PYGB: variants seen among roughly 807,000 people sequenced by gnomAD.
PYGB encodes glycogen phosphorylase, brain form.
Under a neutral mutation model 94.3 loss-of-function variants are expected in PYGB, and 82 were observed. The ratio of observed to expected loss-of-function variants is 0.87; its 90% confidence interval spans 0.73 to 1.04. PYGB has a LOEUF of 1.04. PYGB is among the 50% of genes least tolerant of loss of function. The pLI is 0.00. For synonymous variants in PYGB, 488 were observed against 479.1 expected (o/e 1.02, Z -0.24); for missense variants, 1,132 against 1,158.2 (o/e 0.98, Z 0.33).
rs9927 is a variant in PYGB at position 25,296,608 on chromosome 20, A to G, written c.*86A>G. 739,188 of 1,487,956 alleles carry G rather than the reference A, an allele frequency of 0.5. 189,336 individuals are homozygous for G. The highest frequency in any genetic ancestry group is 0.92 in the East Asian group (39,832 of 43,502). The allele number at this position is 1,487,956 out of a possible 1,614,324, so 92.2% of individuals were successfully genotyped here. ...TTTTTCCCCAAACACTTTGCCAGCC[A>G]CTGGTGGTCCCTGCTTTTCTGAGTA... On this transcript the variant is annotated 3_prime_UTR_variant, in exon 20 of 20. Transcript: ENST00000216962.
In PYGB at chr20:25,248,256, C is replaced by T; in HGVS notation, c.78C>T (p.Ala26=). The part of the protein sequence containing the change: ...VRGLAGLGDV[A]EVRKSFNRHL... ...GCCTGGCGGGGCTAGGCGACGTGGC[C>T]GAGGTGCGGAAGAGCTTCAACCGGC... Residue 26 remains alanine (A), a synonymous_variant, in exon 1 of 20, where the codon GCC becomes GCT. Coordinates refer to ENST00000216962, the MANE Select transcript of PYGB (RefSeq NM_002862.4). 6.3e-7 allele frequency: 1 copy of T among 1,599,324 alleles called. No homozygotes were observed. Among genetic ancestry groups the T allele is most frequent in the Non-Finnish European group, 8.5e-7 (1 of 1,173,606 alleles).
chr20:25,277,361 G>C, intron 7 of PYGB, 35 bp downstream of exon 7: 3 of 1,518,872 alleles, frequency 2.0e-6, no homozygotes, highest in Non-Finnish European at 2.7e-6. Context: ...TGCTCAGGCC[G>C]TATCGCTTTC....
intron 16 of PYGB, among the ~76,000 whole-genome samples, chr20:25,291,960 G>A (rs1449651135): frequency 6.6e-6 from 1 of 152,142 alleles, no homozygotes; most frequent in East Asian, 1.9e-4. Context: ...CCAGGAGGTC[G>A]CCACCCCTCA....
rs932916299 is a variant in PYGB, at chr20:25,259,230, T to C, written c.244-7T>C. The C allele has an allele frequency of 1.9e-6, 3 of 1,576,278 alleles. No homozygotes were observed. Among genetic ancestry groups the C allele is most frequent in the Non-Finnish European group, 2.6e-6 (3 of 1,145,718 alleles). ...GAGAAATCTTATTCTTTCTTCTGCTTCCTCAGCGCATTTATTATCTTTCCC... is the reference window on the plus strand; with the variant it reads ...GAGAAATCTTATTCTTTCTTCTGCTCCCTCAGCGCATTTATTATCTTTCCC... On this transcript the variant is annotated splice_polypyrimidine_tract_variant and splice_region_variant and intron_variant, in intron 1 of 19. Transcript: ENST00000216962.
chr20:25,275,449 G>C (rs926084198), intron 5 of PYGB, among the ~76,000 whole-genome samples: 2 of 152,236 alleles, frequency 1.3e-5, no homozygotes, highest in Admixed American at 1.3e-4. Context: ...GTGAGACTCA[G>C]CCACCTGTGA....
intron 2 of PYGB, among the ~76,000 whole-genome samples, chr20:25,265,942 A>G (rs1283178743): frequency 2.6e-5 from 4 of 151,924 alleles, no homozygotes; most frequent in African/African-American, 4.8e-5. Context: ...CCTAGATATT[A>G]ATAGCGTATC....
chr20:25,259,594 GCCATC>G (rs2123522060), intron 2 of PYGB, among the ~76,000 whole-genome samples: 1 of 152,280 alleles, frequency 6.6e-6, no homozygotes, highest in East Asian at 1.9e-4. Flanking sequence ...GGTTCTAGAG[GCCATC>G]CCACACCCCA....
chr20:25,290,621 AG>A lies in PYGB; in HGVS notation c.1969+1del. 6.3e-7 allele frequency: 1 copy of A among 1,595,602 alleles called. No homozygotes were observed. Among genetic ancestry groups the A allele is most frequent in the Non-Finnish European group, 8.6e-7 (1 of 1,164,302 alleles). ...ENYRVSLAEK[V>X]IPAADLSQQI... ...ACTACCGTGTGTCCTTGGCTGAGAA[AG>A]GTAACCCTGGAAGCCTGTGTTGGAC... is the stretch of plus-strand genomic sequence containing the variant. On this transcript the variant is annotated frameshift_variant and splice_region_variant, in exon 16 of 20. Coordinates refer to ENST00000216962, the MANE Select transcript of PYGB (RefSeq NM_002862.4). LOFTEE classifies it high-confidence loss of function.
chr20:25,284,364 G>A (rs6115128), intron 14 of PYGB, 113 bp downstream of exon 14: 1 of 1,384,096 alleles, frequency 7.2e-7, no homozygotes, highest in Non-Finnish European at 9.7e-7. Flanking sequence ...TGTGTGTATA[G>A]GCGTGTGCAT....
At position 25,274,641 on chromosome 20, in the gene PYGB, C is replaced by T; in HGVS notation, c.578C>T (p.Ala193Val). ...WLRYGNPWEK[A>V]RPEYMLPVHF... ...CGCTACGGCAACCCCTGGGAGAAAG[C>T]GCGGCCTGAGTATATGCTTCCCGTG... is the stretch of plus-strand genomic sequence containing the variant. Residue 193 changes from alanine to valine, a missense_variant, in exon 5 of 20, where the codon GCG (alanine) becomes GTG (valine). Transcript: ENST00000216962. 2 of 1,613,860 alleles carry T rather than the reference C, an allele frequency of 1.2e-6. No individual in the cohort carries two copies. The highest frequency in any genetic ancestry group is 2.2e-5 in the East Asian group (1 of 44,892).
chr20:25,248,250 C>T lies in PYGB; in HGVS notation c.72C>T (p.Asp24=), dbSNP rs201831395. The part of the protein sequence containing the change: ...ISVRGLAGLG[D]VAEVRKSFNR... ...TGCGCGGCCTGGCGGGGCTAGGCGA[C>T]GTGGCCGAGGTGCGGAAGAGCTTCA... The change falls in exon 1 of 20, where the codon GAC becomes GAT. Residue 24 remains aspartate, a synonymous_variant. Transcript: ENST00000216962. The T allele has an allele frequency of 3.1e-6, 5 of 1,598,732 alleles. No individual in the cohort carries two copies. Among genetic ancestry groups the T allele is most frequent in the Non-Finnish European group, 4.3e-6 (5 of 1,173,390 alleles).
chr20:25,261,824 A>G (rs2092914308), intron 2 of PYGB, among the ~76,000 whole-genome samples: 1 of 152,216 alleles, frequency 6.6e-6, no homozygotes, highest in Non-Finnish European at 1.5e-5. Context: ...CGAGAACTAC[A>G]TGATGCATGC....
At position 25,296,614 on chromosome 20, in the gene PYGB, G is replaced by A. The variant is rs1294156345; in HGVS notation, c.*92G>A. 1.8e-5 allele frequency: 27 copies of A among 1,466,352 alleles called. No homozygotes were observed. The highest frequency in any genetic ancestry group is 2.3e-5 in the Non-Finnish European group (25 of 1,091,898). The allele number at this position is 1,466,352 out of a possible 1,614,324, so 90.8% of individuals were successfully genotyped here. A position where few individuals can be genotyped will look rare whatever the true frequency, so the allele number is the denominator to read the frequency against. ...CCCAAACACTTTGCCAGCCACTGGT[G>A]GTCCCTGCTTTTCTGAGTACCATGT... On this transcript the variant is annotated 3_prime_UTR_variant, in exon 20 of 20. Coordinates refer to ENST00000216962, the MANE Select transcript of PYGB (RefSeq NM_002862.4).
chr20:25,253,075 G>A (rs940582515), intron 1 of PYGB, among the ~76,000 whole-genome samples: 1 of 152,212 alleles, frequency 6.6e-6, no homozygotes, highest in Non-Finnish European at 1.5e-5. Context: ...AAGGGTGTTA[G>A]GAGCACAGGC....
In PYGB at chr20:25,260,247, C is replaced by T. The variant is rs1310467958; in HGVS notation, c.345+909C>T. On this transcript the variant is annotated intron_variant, in intron 2 of 19. Coordinates refer to ENST00000216962, the MANE Select transcript of PYGB (RefSeq NM_002862.4). Reference sequence around the variant, plus strand: ...TTTACGTCTGTTTACTGAGTGTTAACATTAGGGCATGTCTGTAAGAAGTAC... The same window carrying T: ...TTTACGTCTGTTTACTGAGTGTTAATATTAGGGCATGTCTGTAAGAAGTAC... 4.1e-4 allele frequency among the ~76,000 whole-genome samples: 62 copies of T among 152,182 alleles called. 1 individual carries two copies. Among genetic ancestry groups the T allele is most frequent in the Admixed American group, 4.1e-3 (62 of 15,276 alleles).
chr20:25,272,727 T>C (rs945121824), intron 4 of PYGB, among the ~76,000 whole-genome samples: 2 of 152,180 alleles, frequency 1.3e-5, no homozygotes, highest in South Asian at 2.1e-4. Flanking sequence ...CTCCACTGCC[T>C]CCGGACAGCT....
At chr20:25,291,981 C>A (rs746580692) in intron 16 of PYGB, among the ~76,000 whole-genome samples, 3 of 152,212 alleles carry the variant, frequency 2.0e-5, no homozygotes, top group Non-Finnish European at 4.4e-5. Context: ...GCCGCTCCAG[C>A]CTTCTGGCTC....
Position 25,273,655 on chromosome 20 carries a change from T to C in PYGB, c.529-937T>C, listed in dbSNP as rs572908457. On this transcript the variant is annotated intron_variant, in intron 4 of 19. Coordinates refer to ENST00000216962, the MANE Select transcript of PYGB (RefSeq NM_002862.4). ...CGAATCTGCAGGGCCGCTTTTAGTGTGGGGGTTGGTTTCATGTAGTTACTC... is the reference window on the plus strand; with the variant it reads ...CGAATCTGCAGGGCCGCTTTTAGTGCGGGGGTTGGTTTCATGTAGTTACTC... 5.3e-5 allele frequency among the ~76,000 whole-genome samples: 8 copies of C among 152,126 alleles called. No individual in the cohort carries two copies. The East Asian group carries it at 1.4e-3, about 26-fold the overall frequency.
intron 2 of PYGB, among the ~76,000 whole-genome samples, chr20:25,268,432 T>C (rs2088238666): frequency 6.6e-6 from 1 of 151,956 alleles, no homozygotes; most frequent in Non-Finnish European, 1.5e-5. Flanking sequence ...TTCATAAACA[T>C]GTATTGGGTT....
Sources: gnomAD v4.1 joint callset for allele counts (sites outside exome capture counted in the v4.1 genomes callset) on GRCh38, gnomAD v4.1.1 for gene constraint, MANE v1.5 for transcripts, NCBI Gene and HGNC (gene_info 2026-07-23, HGNC 2026-07-21) for gene names.